TYW1B: variants seen among roughly 807,000 people sequenced by gnomAD.
TYW1B encodes tRNA-yW synthesizing protein 1 homolog B, also known as S-adenosyl-L-methionine-dependent tRNA 4-demethylwyosine synthase TYW1B.
TYW1B carries 73 observed loss-of-function variants against 86.9 expected under a neutral mutation model. The observed-to-expected ratio is 0.84, with a 90% confidence interval of 0.70 to 1.02. The LOEUF (loss-of-function observed/expected upper bound fraction) is 1.02. Among genes scored for constraint, TYW1B ranks in the 50% least tolerant of loss-of-function variants. The pLI is 0.00. For missense variants in TYW1B, 637 were observed against 827.4 expected, an observed-to-expected ratio of 0.77 and a Z score of 2.82; for synonymous variants, 248 against 292.8, an observed-to-expected ratio of 0.85 and a Z score of 1.56.
intron 3 of TYW1B, among the ~76,000 whole-genome samples, chr7:72,813,883 TG>T (rs1164570043): frequency 1.3e-5 from 2 of 151,616 alleles, no homozygotes; most frequent in Non-Finnish European, 2.9e-5. Flanking sequence ...GGTGTGGTGG[TG>T]GGCACCTGTA....
rs140657926 is a variant in TYW1B at position 72,790,634 on chromosome 7, C to T, written c.846+11766G>A. Among the ~76,000 whole-genome samples, 814 of 152,276 alleles carry T rather than the reference C, an allele frequency of 5.3e-3. 4 individuals carry two copies. The highest frequency in any genetic ancestry group is 8.0e-3 in the Non-Finnish European group (545 of 68,014). Reference sequence around the variant, plus strand: ...CAACCTGCTGCCTTGGCTGCCAGACCCTGTACACAACTCAACTTCTGTTGT... The same window carrying T: ...CAACCTGCTGCCTTGGCTGCCAGACTCTGTACACAACTCAACTTCTGTTGT... On this transcript the variant is annotated intron_variant, in intron 6 of 13. Transcript: ENST00000620995.
At chr7:72,759,590 C>T (rs1013728875) in intron 7 of TYW1B, among the ~76,000 whole-genome samples, 4 of 152,120 alleles carry the variant, frequency 2.6e-5, no homozygotes, top group Non-Finnish European at 5.9e-5. Flanking sequence ...TTCAAAAAGA[C>T]CTGCAACTAT....
intron 9 of TYW1B, among the ~76,000 whole-genome samples, chr7:72,719,502 G>A (rs1219956547): frequency 2.0e-5 from 3 of 151,584 alleles, no homozygotes; most frequent in African/African-American, 7.3e-5. Context: ...ATGGTGGCAG[G>A]TGCCTGTAAT....
intron 10 of TYW1B, among the ~76,000 whole-genome samples, chr7:72,707,946 C>T (rs782382531): frequency 3.3e-5 from 5 of 152,212 alleles, no homozygotes; most frequent in Non-Finnish European, 4.4e-5. Flanking sequence ...CTTCCCCCTT[C>T]ATTCTCTTCC....
chr7:72,668,828 T>G (rs1288953807), intron 11 of TYW1B, among the ~76,000 whole-genome samples: 1 of 152,192 alleles, frequency 6.6e-6, no homozygotes, highest in African/African-American at 2.4e-5. Context: ...TCAGTTCCGC[T>G]ATCACTTCTT....
intron 11 of TYW1B, among the ~76,000 whole-genome samples, chr7:72,685,880 T>C (rs1264496406): frequency 1.3e-5 from 2 of 152,114 alleles, no homozygotes; most frequent in Non-Finnish European, 2.9e-5. Context: ...GGAGAAAATA[T>C]TTGCAAAAGA....
chr7:72,660,358 A>G (rs1298386388), intron 11 of TYW1B, among the ~76,000 whole-genome samples: 1 of 152,060 alleles, frequency 6.6e-6, no homozygotes, highest in African/African-American at 2.4e-5. Context: ...TGGTCAAAAG[A>G]GCAAGTCCCT....
chr7:72,641,362 C>A (rs1179239215), intron 11 of TYW1B, among the ~76,000 whole-genome samples: 1 of 152,072 alleles, frequency 6.6e-6, no homozygotes, highest in Non-Finnish European at 1.5e-5. Flanking sequence ...GAAGAGGAAA[C>A]ACTTCACACC....
rs374867263 is a variant in TYW1B at position 72,617,255 on chromosome 7, A to G, written c.1618-416T>C. ...GACACTCATAAAAATTCACTGACCAAGTAATTGATTCACTGGGAAAATAAG... is the reference window on the plus strand; with the variant it reads ...GACACTCATAAAAATTCACTGACCAGGTAATTGATTCACTGGGAAAATAAG... On this transcript the variant is annotated intron_variant, in intron 12 of 13. Transcript: ENST00000620995. Among the ~76,000 whole-genome samples the G allele has an allele frequency of 2.2e-3, 334 of 152,304 alleles. 2 individuals carry two copies. The highest frequency in any genetic ancestry group is 7.4e-3 in the African/African-American group (308 of 41,564).
chr7:72,610,749 C>CA (rs1811915440), intron 13 of TYW1B, among the ~76,000 whole-genome samples: 1 of 152,192 alleles, frequency 6.6e-6, no homozygotes, highest in East Asian at 1.9e-4. Flanking sequence ...GTAGCCAAGA[C>CA]TACAGGCACA....
chr7:72,586,768 G>A (rs1217762033), intron 13 of TYW1B, among the ~76,000 whole-genome samples: 14 of 143,284 alleles, frequency 9.8e-5, no homozygotes, highest in African/African-American at 3.3e-4. Flanking sequence ...AATAATAATA[G>A]AATAGCTGGT....
At chr7:72,731,313 A>T (rs1390143648) in intron 8 of TYW1B, among the ~76,000 whole-genome samples, 1 of 151,128 alleles carries the variant, frequency 6.6e-6, no homozygotes, top group East Asian at 1.9e-4. Context: ...GCAAAAGTAT[A>T]AACTCACTGG....
At chr7:72,691,169 T>C (rs1814148694) in intron 11 of TYW1B, among the ~76,000 whole-genome samples, 2 of 149,820 alleles carry the variant, frequency 1.3e-5, no homozygotes, top group Middle Eastern at 3.2e-3. Flanking sequence ...CTATGTCTTA[T>C]AAGATCAGAC....
intron 11 of TYW1B, among the ~76,000 whole-genome samples, chr7:72,668,965 T>A (rs1554445801): frequency 1.3e-5 from 2 of 151,832 alleles, no homozygotes; most frequent in African/African-American, 4.8e-5. Context: ...AAAGACCACA[T>A]CCCAGTTGTA....
chr7:72,798,346 G>A (rs1446035694), intron 6 of TYW1B, among the ~76,000 whole-genome samples: 7 of 151,588 alleles, frequency 4.6e-5, no homozygotes, highest in East Asian at 3.9e-4. Flanking sequence ...AGCCGAGATC[G>A]CGCCACTGCA....
At chr7:72,600,339 T>C (rs1377628383) in intron 13 of TYW1B, among the ~76,000 whole-genome samples, 4 of 152,238 alleles carry the variant, frequency 2.6e-5, no homozygotes, top group African/African-American at 4.8e-5. Flanking sequence ...TAAATCTAGA[T>C]ACAGATCTAA....
At chr7:72,825,633 G>C (rs1201402480) in intron 2 of TYW1B, among the ~76,000 whole-genome samples, 7 of 152,144 alleles carry the variant, frequency 4.6e-5, no homozygotes, top group Non-Finnish European at 1.0e-4. Flanking sequence ...AGCCGAGATC[G>C]TGCCACTGCA....
At chr7:72,648,877 T>C (rs183870673) in intron 11 of TYW1B, among the ~76,000 whole-genome samples, 20 of 152,292 alleles carry the variant, frequency 1.3e-4, no homozygotes, top group African/African-American at 4.6e-4. Context: ...CTCAGAGCAC[T>C]GGCAGCAGAA....
intron 11 of TYW1B, among the ~76,000 whole-genome samples, chr7:72,694,140 T>C (rs570140468): frequency 1.3e-5 from 2 of 152,170 alleles, no homozygotes; most frequent in African/African-American, 4.8e-5. Context: ...TTTTGGTATT[T>C]CTAGTAGAGA....
Sources: gnomAD v4.1 joint callset for allele counts (sites outside exome capture counted in the v4.1 genomes callset) on GRCh38, gnomAD v4.1.1 for gene constraint, MANE v1.5 for transcripts, NCBI Gene and HGNC (gene_info 2026-07-23, HGNC 2026-07-21) for gene names.